DNMBP: variants seen among roughly 807,000 people sequenced by gnomAD.
The protein encoded by DNMBP is dynamin-binding protein.
DNMBP carries 87 observed loss-of-function variants against 150.0 expected under a neutral mutation model. That is an observed-to-expected ratio of 0.58 (90% CI 0.49 to 0.69). The LOEUF (loss-of-function observed/expected upper bound fraction) is 0.69. DNMBP is among the 30% of genes least tolerant of loss of function. DNMBP has a pLI of 0.00. For synonymous variants in DNMBP, 711 were observed against 750.4 expected, an observed-to-expected ratio of 0.95 and a Z score of 0.86; for missense variants, 1,774 against 1,949.0, an observed-to-expected ratio of 0.91 and a Z score of 1.69.
At position 99,956,458 on chromosome 10, in the gene DNMBP, T is replaced by C. The variant is rs144042959; in HGVS notation, c.1016A>G (p.His339Arg). Reference protein sequence around the residue: ...ENTLGVEEQRHETSDHEAEEP... With the variant: ...ENTLGVEEQRRETSDHEAEEP... ...CTCGGCCTCATGGTCACTGGTTTCA[T>C]GTCTTTGTTCCTCTACTCCTAAGGT... Residue 339 changes from histidine to arginine, a missense_variant, in exon 4 of 17, where the codon CAT becomes CGT. Around this residue, in one of 2 missense-constraint regions of DNMBP, gnomAD observed 344 missense variants for 456.6 expected, o/e 0.75. Coordinates refer to ENST00000324109, the MANE Select transcript of DNMBP (RefSeq NM_015221.4). 7.4e-5 allele frequency: 119 copies of C among 1,614,140 alleles called. No homozygotes were observed. The African/African-American group carries it at 1.3e-3, about 17-fold the overall frequency.
chr10:99,916,642 T>C (rs2039967945), intron 4 of DNMBP, among the ~76,000 whole-genome samples: 2 of 136,962 alleles, frequency 1.5e-5, no homozygotes, highest in South Asian at 2.4e-4. Context: ...AAAACTTTAA[T>C]ATTTTTTCTA....
chr10:100,000,896 G>A (rs575182450), intron 1 of DNMBP, among the ~76,000 whole-genome samples: 2 of 147,726 alleles, frequency 1.4e-5, no homozygotes, highest in East Asian at 3.9e-4. Flanking sequence ...AACCCAGCAG[G>A]GTACAGGAAT....
chr10:99,877,497 T>C (rs1403663145), intron 16 of DNMBP, among the ~76,000 whole-genome samples, 161 bp from the exon 17 acceptor site: 2 of 152,168 alleles, frequency 1.3e-5, no homozygotes, highest in East Asian at 3.9e-4. Flanking sequence ...TTTAATCTTA[T>C]TTAATTTTAA....
At chr10:99,892,670 T>TC (rs1564720203) in intron 11 of DNMBP, among the ~76,000 whole-genome samples, 10 of 146,430 alleles carry the variant, frequency 6.8e-5, no homozygotes, top group Non-Finnish European at 1.2e-4. Context: ...CTTTGTTCAC[T>TC]TGTTTATCTG....
intron 3 of DNMBP, among the ~76,000 whole-genome samples, chr10:99,968,401 A>T (rs1228799365): frequency 6.6e-6 from 1 of 152,132 alleles, no homozygotes; most frequent in Non-Finnish European, 1.5e-5. Context: ...TAAAGCCTGA[A>T]GTTGGTCAGG....
At chr10:99,964,440 A>G (rs1478077788) in intron 3 of DNMBP, among the ~76,000 whole-genome samples, 2 of 142,932 alleles carry the variant, frequency 1.4e-5, no homozygotes, top group Non-Finnish European at 3.0e-5. Context: ...CTAATCTCTT[A>G]TTTTGGCTTT....
At chr10:99,999,532 A>G (rs1029182499) in intron 1 of DNMBP, among the ~76,000 whole-genome samples, 2 of 152,190 alleles carry the variant, frequency 1.3e-5, no homozygotes, top group African/African-American at 4.8e-5. Flanking sequence ...TCAGTTACCT[A>G]TGGTCAACTG....
intron 4 of DNMBP, 32 bp from the exon 5 acceptor site, chr10:99,909,178 C>T: frequency 6.3e-7 from 1 of 1,582,086 alleles, no homozygotes; most frequent in Non-Finnish European, 8.6e-7. Context: ...GTTAGCAGCT[C>T]TGGGTGTAAA....
At chr10:100,004,302 G>A (rs1446622043) in intron 1 of DNMBP, among the ~76,000 whole-genome samples, 1 of 151,286 alleles carries the variant, frequency 6.6e-6, no homozygotes, top group Non-Finnish European at 1.5e-5. Context: ...GGGTAGCCTG[G>A]TAAACTTATT....
intron 15 of DNMBP, among the ~76,000 whole-genome samples, chr10:99,881,609 G>A (rs1336467203): frequency 6.6e-6 from 1 of 152,182 alleles, no homozygotes; most frequent in African/African-American, 2.4e-5. Context: ...GTGGCTTCCT[G>A]CTACCACTTC....
chr10:99,882,150 G>A (rs539703388), intron 15 of DNMBP, among the ~76,000 whole-genome samples: 1 of 152,152 alleles, frequency 6.6e-6, no homozygotes, highest in Non-Finnish European at 1.5e-5. Flanking sequence ...TCTCATTCAC[G>A]TGGAATCTAG....
In DNMBP at chr10:99,956,166, G is replaced by A. The variant is rs1430559112; in HGVS notation, c.1308C>T (p.Ser436=). The stretch of plus-strand genomic sequence containing the variant: ...CGGGGTACTGTTCTGAGTGCGGGTG[G>A]CTCCCTCCCACTGTAGAATAATACT... ...KSQYYSTVGG[S]HPHSEQYPDL... is the part of the protein sequence containing the mutation. Residue 436 remains serine (S), a synonymous_variant, in exon 4 of 17, where the codon AGC becomes AGT. Coordinates refer to ENST00000324109, the MANE Select transcript of DNMBP (RefSeq NM_015221.4). The A allele has an allele frequency of 1.2e-6, 2 of 1,614,116 alleles. No homozygotes were observed. Among genetic ancestry groups the A allele is most frequent in the East Asian group, 2.2e-5 (1 of 44,880 alleles).
In DNMBP at chr10:99,973,360, A is replaced by G. The variant is rs555596736; in HGVS notation, c.-10-1226T>C. On this transcript the variant is annotated intron_variant, in intron 1 of 16. Transcript: ENST00000324109. ...ATAGAAAAGATTCAAGTGTCAGCAA[A>G]TGTAGGCTTTTCAGAATGCCTGAAG... Among the ~76,000 whole-genome samples, 279 of 152,352 alleles carry G rather than the reference A, an allele frequency of 1.8e-3. 1 individual carries two copies. Among genetic ancestry groups the G allele is most frequent in the Non-Finnish European group, 3.2e-3 (215 of 68,034 alleles).
intron 4 of DNMBP, among the ~76,000 whole-genome samples, chr10:99,935,619 C>A (rs1204209352): frequency 1.3e-5 from 2 of 152,138 alleles, no homozygotes; most frequent in Admixed American, 1.3e-4. Flanking sequence ...GGCTGGAGTG[C>A]AATGGTGCAA....
intron 4 of DNMBP, among the ~76,000 whole-genome samples, chr10:99,953,680 C>T (rs1202286549): frequency 1.3e-5 from 2 of 152,008 alleles, no homozygotes; most frequent in African/African-American, 2.4e-5. Flanking sequence ...ATTAGCCAGG[C>T]GTGGTGGCAT....
chr10:99,966,686 C>G (rs536962888), intron 3 of DNMBP, among the ~76,000 whole-genome samples: 6 of 152,296 alleles, frequency 3.9e-5, no homozygotes, highest in Admixed American at 2.6e-4. Flanking sequence ...CACTGATTAA[C>G]AAGAAAGCAT....
intron 11 of DNMBP, among the ~76,000 whole-genome samples, chr10:99,892,180 AG>A (rs1421321528): frequency 7.2e-6 from 1 of 138,142 alleles, no homozygotes; most frequent in Admixed American, 7.1e-5. Context: ...TGGGGGGGTC[AG>A]CCCCCTGCCC....
At chr10:99,979,950 A>C (rs1378179362) in intron 1 of DNMBP, among the ~76,000 whole-genome samples, 1 of 152,178 alleles carries the variant, frequency 6.6e-6, no homozygotes. Context: ...CCACATATTT[A>C]AACACTTTCC....
intron 11 of DNMBP, chr10:99,889,269 C>T (rs1333883106): frequency 5.0e-6 from 1 of 199,054 alleles, no homozygotes; most frequent in East Asian, 1.4e-4. Context: ...CAAGATGATT[C>T]CTATAGGATT....
Sources: allele counts gnomAD v4.1 joint callset (sites outside exome capture counted in the v4.1 genomes callset), GRCh38; gene constraint gnomAD v4.1.1; regional missense constraint gnomAD v4.1.1; transcripts MANE v1.5; gene names NCBI Gene and HGNC (gene_info 2026-07-23, HGNC 2026-07-21).